Variants in PCDHB3 observed in about 807,000 individuals in gnomAD.
PCDHB3 encodes the protein protocadherin beta 3, also known as protocadherin beta-3.
For missense variants in PCDHB3, 967 were observed against 1,012.1 expected, an observed-to-expected ratio of 0.96 and a Z score of 0.60; for synonymous variants, 479 against 456.0, an observed-to-expected ratio of 1.05 and a Z score of -0.64.
chr5:141,103,048 T>G lies in PCDHB3; in HGVS notation c.*8T>G. ...AGCTTTGAATTCAGTTAAGTGTTAA[T>G]AAGGATCTACTGAGCCTCGTCTTAG... On this transcript the variant is annotated 3_prime_UTR_variant, in exon 1 of 1. Transcript: ENST00000231130. 6.2e-7 allele frequency: 1 copy of G among 1,601,946 alleles called. No homozygotes were observed. The highest frequency in any genetic ancestry group is 1.1e-5 in the South Asian group (1 of 88,860).
rs1184140882 is a variant in PCDHB3, at chr5:141,101,232, G to A, written c.583G>A (p.Val195Ile). The part of the protein sequence containing the change: ...RRDGRKYPEL[V>I]LDKALDPEEQ... ...GGACGGAAGGAAGTACCCGGAACTA[G>A]TACTGGATAAAGCGCTCGATCCGGA... Residue 195 changes from valine to isoleucine, a missense_variant, in exon 1 of 1, where the codon GTA (valine) becomes ATA (isoleucine). Physicochemically the swap from Val to Ile is conservative, Grantham distance 29. Coordinates refer to ENST00000231130, the MANE Select transcript of PCDHB3 (RefSeq NM_018937.5). The A allele has an allele frequency of 1.2e-6, 2 of 1,614,060 alleles. No homozygotes were observed. Among genetic ancestry groups the A allele is most frequent in the African/African-American group, 2.7e-5 (2 of 74,926 alleles).
At position 141,102,379 on chromosome 5, in the gene PCDHB3, C is replaced by T. The variant is rs1281090730; in HGVS notation, c.1730C>T (p.Pro577Leu). The T allele has an allele frequency of 3.1e-6, 5 of 1,611,004 alleles. No individual in the cohort carries two copies. Among genetic ancestry groups the T allele is most frequent in the Admixed American group, 1.7e-5 (1 of 59,968 alleles). ...NGSAPCTELV[P>L]RAAEPGYLVT... ...TCCGCGCCCTGCACCGAGCTGGTGC[C>T]CCGGGCGGCTGAGCCGGGCTACCTG... The change falls in exon 1 of 1, where the codon CCC (proline) becomes CTC (leucine). Residue 577 changes from proline to leucine, a missense_variant. Pro to Leu is a moderately conservative substitution (Grantham distance 98). Transcript: ENST00000231130.
At position 141,100,538 on chromosome 5, in the gene PCDHB3, A is replaced by C. The variant is rs1751910119; in HGVS notation, c.-112A>C. 1.2e-6 allele frequency: 1 copy of C among 839,620 alleles called. No individual in the cohort carries two copies. 52.0% of individuals were successfully genotyped at this position (839,620 alleles called of 1,614,324 possible). On this transcript the variant is annotated 5_prime_UTR_variant, in exon 1 of 1. Coordinates refer to ENST00000231130, the MANE Select transcript of PCDHB3 (RefSeq NM_018937.5). ...GAGCCAGCAAGTCTGAGCCTCTGGA[A>C]AGGCTTATTCACTAGGCCGTCTACA...
At position 141,102,937 on chromosome 5, in the gene PCDHB3, A is replaced by T; in HGVS notation, c.2288A>T (p.Glu763Val). 1 of 1,612,120 alleles carries T rather than the reference A, an allele frequency of 6.2e-7. No individual in the cohort carries two copies. Among genetic ancestry groups the T allele is most frequent in the Non-Finnish European group, 8.5e-7 (1 of 1,178,926 alleles). Residue 763 changes from glutamate to valine, a missense_variant, in exon 1 of 1, where the codon GAG (glutamate) becomes GTG (valine). Transcript: ENST00000231130. Reference protein sequence around the residue: ...VCLTGGSGTNEFKFLKPIIPN... With the variant: ...VCLTGGSGTNVFKFLKPIIPN... ...CTGACTGGAGGCTCCGGGACAAATG[A>T]GTTCAAGTTCCTGAAGCCAATTATC... is the stretch of plus-strand genomic sequence containing the variant.
chr5:141,102,594 G>T lies in PCDHB3; in HGVS notation c.1945G>T (p.Glu649Ter). The T allele has an allele frequency of 2.5e-6, 4 of 1,608,578 alleles. No homozygotes were observed. Among genetic ancestry groups the T allele is most frequent in the Middle Eastern group, 2.2e-4 (1 of 4,478 alleles). Reference sequence around the variant, plus strand: ...GGTGGTGCTGGTCAAGGACAATGGCGAGCCTCCGCGCTCGGCCACCGCCAC... The same window carrying T: ...GGTGGTGCTGGTCAAGGACAATGGCTAGCCTCCGCGCTCGGCCACCGCCAC... ...RLVVLVKDNG[E>*]PPRSATATLH... Residue 649 changes from glutamate to a stop codon, truncating the protein, a stop_gained, in exon 1 of 1, where the codon GAG becomes TAG. Coordinates refer to ENST00000231130, the MANE Select transcript of PCDHB3 (RefSeq NM_018937.5). LOFTEE classifies it low-confidence loss of function (END_TRUNC).
rs138129554 is a variant in PCDHB3, at chr5:141,101,014, G to A, written c.365G>A (p.Arg122His). Residue 122 changes from arginine to histidine, a missense_variant, in exon 1 of 1, where the codon CGT becomes CAT. By Grantham distance (29) the Arg-to-His change is conservative (BLOSUM62 0). Transcript: ENST00000231130. Reference protein sequence around the residue: ...NPLQFVTNELRIIDVNDHSPV... With the variant: ...NPLQFVTNELHIIDVNDHSPV... ...TTGCAATTCGTTACAAACGAGCTCC[G>A]TATCATAGATGTAAATGACCATTCT... 562 of 1,614,124 alleles carry A rather than the reference G, an allele frequency of 3.5e-4. No homozygotes were observed. Among genetic ancestry groups the A allele is most frequent in the Non-Finnish European group, 4.6e-4 (540 of 1,180,028 alleles).
chr5:141,102,028 T>C lies in PCDHB3; in HGVS notation c.1379T>C (p.Val460Ala). 1 of 1,613,098 alleles carries C rather than the reference T, an allele frequency of 6.2e-7. No individual in the cohort carries two copies. The highest frequency in any genetic ancestry group is 1.3e-5 in the African/African-American group (1 of 75,006). ...AFTQISYTLF[V>A]RENNSPALHI... ...ACCCAAATCTCCTACACCCTGTTCGTCCGCGAGAACAACAGCCCCGCCCTG... is the reference window on the plus strand; with the variant it reads ...ACCCAAATCTCCTACACCCTGTTCGCCCGCGAGAACAACAGCCCCGCCCTG... Residue 460 changes from valine to alanine, a missense_variant, in exon 1 of 1, where the codon GTC becomes GCC. Coordinates refer to ENST00000231130, the MANE Select transcript of PCDHB3 (RefSeq NM_018937.5).
rs1554272292 is a variant in PCDHB3 at position 141,101,414 on chromosome 5, C to A, written c.765C>A (p.Thr255=). The A allele has an allele frequency of 6.2e-7, 1 of 1,614,142 alleles. No homozygotes were observed. Among genetic ancestry groups the A allele is most frequent in the Admixed American group, 1.7e-5 (1 of 60,014 alleles). ...ATGAGGTTGCAGTTCTAGAGAATAC[C>A]CCCGTTAACTCTGTCATTGTCACTG... The part of the protein sequence containing the change: ...PLYEVAVLEN[T]PVNSVIVTVS... The change falls in exon 1 of 1, where the codon ACC becomes ACA. Residue 255 remains threonine (T), a synonymous_variant. Coordinates refer to ENST00000231130, the MANE Select transcript of PCDHB3 (RefSeq NM_018937.5).
In PCDHB3 at chr5:141,103,165, T is replaced by C. The variant is rs1414449371; in HGVS notation, c.*125T>C. 3 of 1,123,316 alleles carry C rather than the reference T, an allele frequency of 2.7e-6. No homozygotes were observed. Among genetic ancestry groups the C allele is most frequent in the East Asian group, 2.4e-5 (1 of 41,256 alleles). The allele number at this position is 1,123,316 out of a possible 1,614,324, so 69.6% of individuals were successfully genotyped here. ...GGCAAGTAGCAAGAATAGAGCAAAA[T>C]ATCAAATCCAGGGATGGCTTAGGTT... On this transcript the variant is annotated 3_prime_UTR_variant, in exon 1 of 1. Transcript: ENST00000231130.
Position 141,103,090 on chromosome 5 carries a change from C to T in PCDHB3, c.*50C>T, listed in dbSNP as rs781822734. 8.4e-6 allele frequency: 13 copies of T among 1,547,772 alleles called. No homozygotes were observed. Among genetic ancestry groups the T allele is most frequent in the Middle Eastern group, 1.7e-4 (1 of 5,728 alleles). ...TCGTCTTAGTTAATCTGTGGAAAGT[C>T]CTTTTTTACTGCTTTGTCCATTGGA... On this transcript the variant is annotated 3_prime_UTR_variant, in exon 1 of 1. Transcript: ENST00000231130.
rs1554272757 is a variant in PCDHB3, at chr5:141,103,215, T to C, written c.*175T>C. 10 of 632,894 alleles carry C rather than the reference T, an allele frequency of 1.6e-5. No homozygotes were observed. The highest frequency in any genetic ancestry group is 2.4e-5 in the Non-Finnish European group (9 of 381,090). 39.2% of individuals were successfully genotyped at this position (632,894 alleles called of 1,614,324 possible). A position where few individuals can be genotyped will look rare whatever the true frequency, so the allele number is the denominator to read the frequency against. ...TTCATTAACAGTACTGGAAAGTAGT[T>C]GTGTGGCTCTGAATGTTTTGTATTT... On this transcript the variant is annotated 3_prime_UTR_variant, in exon 1 of 1. Coordinates refer to ENST00000231130, the MANE Select transcript of PCDHB3 (RefSeq NM_018937.5).
At position 141,100,688 on chromosome 5, in the gene PCDHB3, A is replaced by G; in HGVS notation, c.39A>G (p.Gln13=). The change falls in exon 1 of 1, where the codon CAA becomes CAG. Residue 13 remains glutamine (Q), a synonymous_variant. Transcript: ENST00000231130. The part of the protein sequence containing the change: ...AGGERFLRQR[Q]VLLLFVFLGG... Reference sequence around the variant, plus strand: ...GAGAGCGATTTCTTAGACAAAGGCAAGTCTTGCTTCTCTTTGTTTTTCTGG... The same window carrying G: ...GAGAGCGATTTCTTAGACAAAGGCAGGTCTTGCTTCTCTTTGTTTTTCTGG... The G allele has an allele frequency of 1.2e-6, 2 of 1,611,398 alleles. No homozygotes were observed. Among genetic ancestry groups the G allele is most frequent in the Non-Finnish European group, 1.7e-6 (2 of 1,178,552 alleles).
At position 141,102,698 on chromosome 5, in the gene PCDHB3, C is replaced by T. The variant is rs1751989480; in HGVS notation, c.2049C>T (p.Ala683=). The T allele has an allele frequency of 3.1e-6, 5 of 1,611,826 alleles. No individual in the cohort carries two copies. Among genetic ancestry groups the T allele is most frequent in the Non-Finnish European group, 4.2e-6 (5 of 1,179,794 alleles). The change falls in exon 1 of 1, where the codon GCC becomes GCT. Residue 683 remains alanine, a synonymous_variant. Coordinates refer to ENST00000231130, the MANE Select transcript of PCDHB3 (RefSeq NM_018937.5). ...LPEAAPAQAQ[A]DLLTVYLVVA... is the part of the protein sequence containing the mutation. ...AGGCGGCACCGGCCCAGGCCCAGGC[C>T]GACTTGCTCACCGTCTACCTGGTGG... is the stretch of plus-strand genomic sequence containing the variant.
At position 141,101,666 on chromosome 5, in the gene PCDHB3, T is replaced by C; in HGVS notation, c.1017T>C (p.Asp339=). The C allele has an allele frequency of 3.1e-6, 5 of 1,614,002 alleles. No individual in the cohort carries two copies. Among genetic ancestry groups the C allele is most frequent in the Non-Finnish European group, 4.2e-6 (5 of 1,180,010 alleles). ...GKSTVIVQVV[D]VNDNPPELTL... is the part of the protein sequence containing the mutation. ...CTACAGTCATAGTCCAGGTGGTTGA[T>C]GTCAACGACAACCCACCGGAACTGA... is the stretch of plus-strand genomic sequence containing the variant. The change falls in exon 1 of 1, where the codon GAT becomes GAC. Residue 339 remains aspartate (D), a synonymous_variant. Transcript: ENST00000231130.
In PCDHB3 at chr5:141,101,098, C is replaced by T. The variant is rs139822959; in HGVS notation, c.449C>T (p.Thr150Ile). 9.6e-5 allele frequency: 155 copies of T among 1,614,200 alleles called. No individual in the cohort carries two copies. The African/African-American group carries it at 1.9e-3, about 20-fold the overall frequency. ...LKILESTLPG[T>I]VIPLGNAEDL... ...ATCCTAGAAAGCACTCTGCCAGGAA[C>T]AGTAATTCCTTTGGGAAATGCTGAG... is the stretch of plus-strand genomic sequence containing the variant. Residue 150 changes from threonine to isoleucine, a missense_variant, in exon 1 of 1, where the codon ACA (threonine) becomes ATA (isoleucine). By Grantham distance (89) the Thr-to-Ile change is moderately conservative. Coordinates refer to ENST00000231130, the MANE Select transcript of PCDHB3 (RefSeq NM_018937.5).
In PCDHB3 at chr5:141,101,651, A is replaced by G. The variant is rs1554272330; in HGVS notation, c.1002A>G (p.Ile334Met). The change falls in exon 1 of 1, where the codon ATA (isoleucine) becomes ATG (methionine). Residue 334 changes from isoleucine to methionine, a missense_variant. Ile to Met is a conservative substitution (Grantham distance 10, BLOSUM62 1). Transcript: ENST00000231130. ...GCCTATCCGGAAAGTCTACAGTCATAGTCCAGGTGGTTGATGTCAACGACA... is the reference window on the plus strand; with the variant it reads ...GCCTATCCGGAAAGTCTACAGTCATGGTCCAGGTGGTTGATGTCAACGACA... ...GGGLSGKSTVIVQVVDVNDNP... is the reference protein window; with the variant it reads ...GGGLSGKSTVMVQVVDVNDNP... 2 of 1,614,136 alleles carry G rather than the reference A, an allele frequency of 1.2e-6. No individual in the cohort carries two copies. The highest frequency in any genetic ancestry group is 3.3e-5 in the Admixed American group (2 of 60,026).
Position 141,102,381 on chromosome 5 carries a change from C to T in PCDHB3, c.1732C>T (p.Arg578Trp), listed in dbSNP as rs1554272550. The change falls in exon 1 of 1, where the codon CGG becomes TGG. Residue 578 changes from arginine to tryptophan, a missense_variant. Transcript: ENST00000231130. The part of the protein sequence containing the change: ...GSAPCTELVP[R>W]AAEPGYLVTK... The stretch of plus-strand genomic sequence containing the variant: ...CGCGCCCTGCACCGAGCTGGTGCCC[C>T]GGGCGGCTGAGCCGGGCTACCTGGT... 2 of 1,571,068 alleles carry T rather than the reference C, an allele frequency of 1.3e-6. No homozygotes were observed. The highest frequency in any genetic ancestry group is 2.2e-5 in the East Asian group (1 of 44,848).
Position 141,100,566 on chromosome 5 carries a change from G to T in PCDHB3, c.-84G>T. 2 of 1,111,290 alleles carry T rather than the reference G, an allele frequency of 1.8e-6. No individual in the cohort carries two copies. Among genetic ancestry groups the T allele is most frequent in the Non-Finnish European group, 1.3e-6 (1 of 764,508 alleles). The allele number at this position is 1,111,290 out of a possible 1,614,324, so 68.8% of individuals were successfully genotyped here. Reference sequence around the variant, plus strand: ...GCTTATTCACTAGGCCGTCTACAAAGGTTGTGGGGCAAAAGACTGTTTCCC... The same window carrying T: ...GCTTATTCACTAGGCCGTCTACAAATGTTGTGGGGCAAAAGACTGTTTCCC... On this transcript the variant is annotated 5_prime_UTR_variant, in exon 1 of 1. It adds an upstream start codon to the 5' untranslated region. Transcript: ENST00000231130.
chr5:141,100,595 T>G lies in PCDHB3; in HGVS notation c.-55T>G, dbSNP rs1055410. 0.074 allele frequency: 97,984 copies of G among 1,331,750 alleles called. 4,063 individuals carry two copies. The highest frequency in any genetic ancestry group is 0.11 in the South Asian group (8,282 of 73,304). 82.5% of individuals were successfully genotyped at this position (1,331,750 alleles called of 1,614,324 possible). On this transcript the variant is annotated 5_prime_UTR_variant, in exon 1 of 1. Coordinates refer to ENST00000231130, the MANE Select transcript of PCDHB3 (RefSeq NM_018937.5). ...GTGGGGCAAAAGACTGTTTCCCAGC[T>G]CTGTCTGAGGTTCAGCTTGGCGACA... is the stretch of plus-strand genomic sequence containing the variant.
Sources: allele counts gnomAD v4.1 joint callset, GRCh38; gene constraint gnomAD v4.1.1; transcripts MANE v1.5; gene names NCBI Gene and HGNC (gene_info 2026-07-23, HGNC 2026-07-21).